METTL16: variants seen among roughly 807,000 people sequenced by gnomAD.
METTL16 encodes methyltransferase 16, RNA N6-adenosine, also known as RNA N(6)-adenosine-methyltransferase METTL16.
A neutral mutation model predicts 57.9 loss-of-function variants in METTL16; 19 were observed. The observed-to-expected ratio is 0.33, with a 90% confidence interval of 0.23 to 0.48. The LOEUF is 0.48. METTL16 is among the 20% of genes least tolerant of loss of function. The pLI is 0.99. For missense variants in METTL16, 434 were observed against 691.5 expected, an observed-to-expected ratio of 0.63 and a Z score of 4.18; for synonymous variants, 246 against 255.6, an observed-to-expected ratio of 0.96 and a Z score of 0.36.
intron 8 of METTL16, among the ~76,000 whole-genome samples, chr17:2,429,291 C>G (rs561108075): frequency 6.9e-6 from 1 of 145,124 alleles, no homozygotes; most frequent in African/African-American, 2.6e-5. Flanking sequence ...CGGGTTCAAG[C>G]GATTCTCCTG....
chr17:2,447,237 T>C (rs1362484335), intron 6 of METTL16, among the ~76,000 whole-genome samples: 8 of 142,036 alleles, frequency 5.6e-5, no homozygotes, highest in East Asian at 2.1e-4. Context: ...CCCGCCGCCC[T>C]GTCTGGGATG....
At chr17:2,456,897 C>A (rs2067114696) in intron 6 of METTL16, among the ~76,000 whole-genome samples, 1 of 151,516 alleles carries the variant, frequency 6.6e-6, no homozygotes, top group Admixed American at 6.6e-5. Context: ...AAGTGATTCT[C>A]CTGCCTCAGC....
chr17:2,480,063 GT>G (rs1411170339), intron 2 of METTL16, among the ~76,000 whole-genome samples: 1 of 151,728 alleles, frequency 6.6e-6, no homozygotes, highest in Non-Finnish European at 1.5e-5. Flanking sequence ...GCGCATGCCT[GT>G]AATCCCAGCT....
Position 2,473,506 on chromosome 17 carries a change from T to C in METTL16, c.469+18A>G. The C allele has an allele frequency of 6.2e-7, 1 of 1,600,536 alleles. No individual in the cohort carries two copies. The highest frequency in any genetic ancestry group is 1.1e-5 in the South Asian group (1 of 88,582). On this transcript the variant is annotated intron_variant, in intron 4 of 9. Coordinates refer to ENST00000263092, the MANE Select transcript of METTL16 (RefSeq NM_024086.4). The stretch of plus-strand genomic sequence containing the variant: ...GTGAAGACACAAAGTTTGGAGGCAT[T>C]CATTCTGTGGCGCTAACCTTTTATG...
rs1283698486 is a variant in METTL16, at chr17:2,450,101, G to C, written c.729-8542C>G. 2.6e-5 allele frequency among the ~76,000 whole-genome samples: 4 copies of C among 152,148 alleles called. No individual in the cohort carries two copies. The East Asian group carries it at 7.7e-4, about 29-fold the overall frequency. ...TAAAGTTAAACATACACTTACAACA[G>C]GACCAGGAGTCCTACTCTCAGGTAT... On this transcript the variant is annotated intron_variant, in intron 6 of 9. Transcript: ENST00000263092.
At chr17:2,468,759 C>T (rs576127182) in intron 4 of METTL16, among the ~76,000 whole-genome samples, 15 of 152,208 alleles carry the variant, frequency 9.9e-5, no homozygotes, top group Non-Finnish European at 1.5e-4. Flanking sequence ...CATGGTGGTA[C>T]GAGCCTGTAA....
rs539143685 is a variant in METTL16 at position 2,463,129 on chromosome 17, A to T, written c.728+1079T>A. On this transcript the variant is annotated intron_variant, in intron 6 of 9. Transcript: ENST00000263092. ...TAGTGATCTCAGTTTCCCTTCATTA[A>T]GTTCTTGACAGCTCAATGTCCTCAC... Among the ~76,000 whole-genome samples the T allele has an allele frequency of 2.5e-4, 38 of 152,330 alleles. 1 individual carries two copies. The South Asian group carries it at 7.7e-3, about 31-fold the overall frequency.
intron 2 of METTL16, among the ~76,000 whole-genome samples, chr17:2,495,826 C>T (rs2067441169): frequency 6.6e-6 from 1 of 151,094 alleles, no homozygotes; most frequent in South Asian, 2.1e-4. Flanking sequence ...AAGTGAAGAC[C>T]GGCCGGGCGC....
chr17:2,449,041 TAA>T (rs2067048991), intron 6 of METTL16, among the ~76,000 whole-genome samples: 1 of 148,372 alleles, frequency 6.7e-6, no homozygotes, highest in African/African-American at 2.4e-5. Flanking sequence ...AAAAAAAAAG[TAA>T]AATACTAATA....
intron 8 of METTL16, among the ~76,000 whole-genome samples, chr17:2,428,564 A>AATATATATATATAT (rs71362532): frequency 9.6e-5 from 3 of 31,352 alleles, no homozygotes; most frequent in Non-Finnish European, 1.5e-4. Context: ...AAAAAAAAAA[A>AATATATATATATAT]ATATATATAT....
At chr17:2,447,668 C>T (rs2067014970) in intron 6 of METTL16, among the ~76,000 whole-genome samples, 2 of 132,498 alleles carry the variant, frequency 1.5e-5, no homozygotes, top group African/African-American at 3.0e-5. Flanking sequence ...GTGAGGAGCC[C>T]CTCTGCCCGG....
intron 2 of METTL16, among the ~76,000 whole-genome samples, chr17:2,484,087 G>A (rs982817298): frequency 6.6e-6 from 1 of 152,136 alleles, no homozygotes; most frequent in African/African-American, 2.4e-5. Flanking sequence ...AAAGTTTTCA[G>A]AAAAATCTCT....
In METTL16 at chr17:2,420,782, TTCCGCCGTC is replaced by T; in HGVS notation, c.1002_1010del (p.Thr335_Glu337del). On this transcript the variant is annotated inframe_deletion, in exon 9 of 10. Transcript: ENST00000263092. This position sits in a 1 kb window ranked among gnomAD's most constrained non-coding sequence, Gnocchi z 5.4. ...TCCATGTCGTGACAACGACTATGCC[TTCCGCCGTC>T]TCCGAGCGCAGAGGTGATGCTTTGA... 6.2e-7 allele frequency: 1 copy of T among 1,614,268 alleles called. No individual in the cohort carries two copies.
chr17:2,481,195 G>GAGAC (rs2067303478), intron 2 of METTL16, among the ~76,000 whole-genome samples: 2 of 148,146 alleles, frequency 1.4e-5, no homozygotes, highest in African/African-American at 5.0e-5. Context: ...ATGACAGAGT[G>GAGAC]AGACCATGTT....
At chr17:2,486,188 T>C (rs1474600865) in intron 2 of METTL16, among the ~76,000 whole-genome samples, 1 of 152,072 alleles carries the variant, frequency 6.6e-6, no homozygotes, top group East Asian at 1.9e-4. Context: ...GCATTATAAT[T>C]AGAGTGACCA....
In METTL16 at chr17:2,502,194, C is replaced by T. The variant is rs1211782298; in HGVS notation, c.128+10G>A. The T allele has an allele frequency of 9.3e-6, 15 of 1,610,782 alleles. No individual in the cohort carries two copies. Among genetic ancestry groups the T allele is most frequent in the African/African-American group, 4.0e-5 (3 of 74,766 alleles). Reference sequence around the variant, plus strand: ...ACAAGAATAACAGTGATTTTTCATCCGTTACCTACCTCACTCTTCCATTCA... The same window carrying T: ...ACAAGAATAACAGTGATTTTTCATCTGTTACCTACCTCACTCTTCCATTCA... On this transcript the variant is annotated intron_variant, in intron 2 of 9. Coordinates refer to ENST00000263092, the MANE Select transcript of METTL16 (RefSeq NM_024086.4).
chr17:2,475,692 A>G (rs2067264628), intron 3 of METTL16, among the ~76,000 whole-genome samples: 1 of 152,244 alleles, frequency 6.6e-6, no homozygotes, highest in Non-Finnish European at 1.5e-5. Context: ...TGACATTTTT[A>G]AATGGGTAAT....
intron 2 of METTL16, among the ~76,000 whole-genome samples, chr17:2,488,931 T>C (rs950359599): frequency 1.3e-5 from 2 of 152,094 alleles, no homozygotes; most frequent in African/African-American, 2.4e-5. Context: ...TTGAAGAAAA[T>C]GTCCACTTTT....
chr17:2,421,533 C>A (rs2066765924), intron 8 of METTL16, among the ~76,000 whole-genome samples: 1 of 152,202 alleles, frequency 6.6e-6, no homozygotes, highest in Non-Finnish European at 1.5e-5. Context: ...TGCCTTTGTT[C>A]TGGCTATCAG....
Sources: allele counts gnomAD v4.1 joint callset (sites outside exome capture counted in the v4.1 genomes callset), GRCh38; gene constraint gnomAD v4.1.1; non-coding constraint Gnocchi (gnomAD v3.1); transcripts MANE v1.5; gene names NCBI Gene and HGNC (gene_info 2026-07-23, HGNC 2026-07-21).